The following ADPRH variants were observed in gnomAD, a reference collection of about 807,000 sequenced individuals.
ADPRH encodes ADP-ribose-L-arginine cleaving enzyme.
A neutral mutation model predicts 28.8 loss-of-function variants in ADPRH; 27 were observed. The ratio of observed to expected loss-of-function variants is 0.94; its 90% CI spans 0.69 to 1.29. The LOEUF (loss-of-function observed/expected upper bound fraction) is 1.29, where lower values mean the gene tolerates loss of function less well. ADPRH is among the 50% of genes most tolerant of loss of function. The pLI is 0.00. For missense variants in ADPRH, 419 were observed against 444.8 expected (o/e 0.94, Z 0.52); for synonymous variants, 161 against 166.9 (o/e 0.96, Z 0.27).
intron 3 of ADPRH, among the ~76,000 whole-genome samples, chr3:119,583,280 A>G (rs898614955): frequency 1.3e-5 from 2 of 152,168 alleles, no homozygotes; most frequent in Non-Finnish European, 2.9e-5. Flanking sequence ...TAATTAATTA[A>G]GCTGACACAT....
chr3:119,587,947 T>A lies in ADPRH; in HGVS notation c.*69T>A. The A allele has an allele frequency of 6.7e-7, 1 of 1,490,912 alleles. No individual in the cohort carries two copies. The highest frequency in any genetic ancestry group is 8.9e-7 in the Non-Finnish European group (1 of 1,122,668). 92.4% of individuals were successfully genotyped at this position (1,490,912 alleles called of 1,614,324 possible). A position where few individuals can be genotyped will look rare whatever the true frequency, so the allele number is the denominator to read the frequency against. ...TTCCTTTTCTGCTATTTCTTTTCAG[T>A]TTTTCCAAAGTCAAGAGTCTTAACC... On this transcript the variant is annotated 3_prime_UTR_variant, in exon 5 of 5. Transcript: ENST00000357003.
chr3:119,581,928 A>G (rs1465714565), intron 2 of ADPRH: 2 of 439,342 alleles, frequency 4.6e-6, no homozygotes, highest in Non-Finnish European at 8.1e-6. Context: ...CATTTCTCAA[A>G]CTGCATTATC....
Position 119,580,584 on chromosome 3 carries a change from A to T in ADPRH, c.-89A>T, listed in dbSNP as rs1429200031. The T allele has an allele frequency of 6.6e-6, 1 of 152,214 alleles. No homozygotes were observed. 9.4% of individuals were successfully genotyped at this position (152,214 alleles called of 1,614,324 possible). A position where few individuals can be genotyped will look rare whatever the true frequency, so the allele number is the denominator to read the frequency against. ...CAGCCTGCATTCCATGGCCAACAGC[A>T]GTGCAGCTGCAGAAGCACTTCTGGA... is the stretch of plus-strand genomic sequence containing the variant. On this transcript the variant is annotated 5_prime_UTR_variant, in exon 2 of 5. Coordinates refer to ENST00000357003, the MANE Select transcript of ADPRH (RefSeq NM_001125.4).
rs890837853 is a variant in ADPRH, at chr3:119,579,504, G to C, written c.-470G>C. ...GGAGTCACTGACCACAGCCAGGCGA[G>C]AGCCGGCTTTCCGGTGCCGCCACAT... On this transcript the variant is annotated 5_prime_UTR_variant, in exon 1 of 5. Coordinates refer to ENST00000357003, the MANE Select transcript of ADPRH (RefSeq NM_001125.4). 2.0e-5 allele frequency: 3 copies of C among 152,344 alleles called. No individual in the cohort carries two copies. Among genetic ancestry groups the C allele is most frequent in the Non-Finnish European group, 4.4e-5 (3 of 68,110 alleles). 9.4% of individuals were successfully genotyped at this position (152,344 alleles called of 1,614,324 possible).
chr3:119,586,416 C>T lies in ADPRH; in HGVS notation c.430C>T (p.His144Tyr). The change falls in exon 4 of 5, where the codon CAC becomes TAC. Residue 144 changes from histidine to tyrosine, a missense_variant. Physicochemically the swap from His to Tyr is moderately conservative, Grantham distance 83. Transcript: ENST00000357003. The part of the protein sequence containing the change: ...RAMCIGLRFP[H>Y]HSQLDTLIQV... ...CATGTGCATCGGTCTCAGGTTCCCA[C>T]ACCATAGCCAACTGGACACACTGAT... is the stretch of plus-strand genomic sequence containing the variant. 5 of 1,614,240 alleles carry T rather than the reference C, an allele frequency of 3.1e-6. No homozygotes were observed. Among genetic ancestry groups the T allele is most frequent in the African/African-American group, 1.3e-5 (1 of 75,052 alleles).
rs764713904 is a variant in ADPRH at position 119,586,265 on chromosome 3, C to G, written c.299-20C>G. On this transcript the variant is annotated intron_variant, in intron 3 of 4. Coordinates refer to ENST00000357003, the MANE Select transcript of ADPRH (RefSeq NM_001125.4). ...GCTTTGGTTATGCTAACCCCCATCC[C>G]TTATCCGACTCTTCCCCAGGTGGTG... 4 of 1,612,264 alleles carry G rather than the reference C, an allele frequency of 2.5e-6. No individual in the cohort carries two copies. The highest frequency in any genetic ancestry group is 3.4e-6 in the Non-Finnish European group (4 of 1,179,896).
At chr3:119,583,443 A>G (rs1387525725) in intron 3 of ADPRH, among the ~76,000 whole-genome samples, 1 of 152,246 alleles carries the variant, frequency 6.6e-6, no homozygotes, top group Non-Finnish European at 1.5e-5. Flanking sequence ...CACATTGTTT[A>G]CATATATCAA....
In ADPRH at chr3:119,586,624, T is replaced by C. The variant is rs2082463542; in HGVS notation, c.638T>C (p.Val213Ala). 1.2e-6 allele frequency: 2 copies of C among 1,613,772 alleles called. No homozygotes were observed. The highest frequency in any genetic ancestry group is 2.7e-5 in the African/African-American group (2 of 74,916). Reference protein sequence around the residue: ...KKYIVQSGYFVEENLQHWSYF... With the variant: ...KKYIVQSGYFAEENLQHWSYF... ...TACATTGTCCAATCAGGCTACTTTG[T>C]AGAGGAAAATCTTCAACACTGGTGA... is the stretch of plus-strand genomic sequence containing the variant. The change falls in exon 4 of 5, where the codon GTA becomes GCA. Residue 213 changes from valine (V) to alanine (A), a missense_variant. Physicochemically the swap from Val to Ala is moderately conservative, Grantham distance 64. Coordinates refer to ENST00000357003, the MANE Select transcript of ADPRH (RefSeq NM_001125.4).
At chr3:119,582,071 G>GTGGTTT in intron 2 of ADPRH, 63 bp from the exon 3 acceptor site, 4 of 1,268,986 alleles carry the variant, frequency 3.2e-6, no homozygotes, top group Non-Finnish European at 3.3e-6. Context: ...AGCTAGAGTC[G>GTGGTTT]TTGTTTTTTC....
rs531260980 is a variant in ADPRH at position 119,580,997 on chromosome 3, C to T, written c.-37+361C>T. ...TTCTAAAACAGAACACCCATTTTCCCTGGTTGTATATGAATAATACAAATA... is the reference window on the plus strand; with the variant it reads ...TTCTAAAACAGAACACCCATTTTCCTTGGTTGTATATGAATAATACAAATA... On this transcript the variant is annotated intron_variant, in intron 2 of 4. Coordinates refer to ENST00000357003, the MANE Select transcript of ADPRH (RefSeq NM_001125.4). Among the ~76,000 whole-genome samples the T allele has an allele frequency of 7.9e-5, 12 of 151,638 alleles. No individual in the cohort carries two copies. The South Asian group carries it at 2.1e-3, about 26-fold the overall frequency.
chr3:119,582,616 C>T (rs1365110030), intron 3 of ADPRH, 149 bp downstream of exon 3: 1 of 991,440 alleles, frequency 1.0e-6, no homozygotes, highest in Non-Finnish European at 1.4e-6. Context: ...GGTGGTGGCT[C>T]ATACCTGTAA....
intron 4 of ADPRH, 116 bp from the exon 5 acceptor site, chr3:119,587,348 G>T (rs1427329947): frequency 2.7e-6 from 2 of 748,962 alleles, no homozygotes; most frequent in East Asian, 5.6e-5. Flanking sequence ...TGATATTACT[G>T]CAAGAAGCCG....
Position 119,580,866 on chromosome 3 carries a change from A to C in ADPRH, c.-37+230A>C, listed in dbSNP as rs541759059. ...ACCAGGGATTTCATTCATGGTGGGT[A>C]TATTATTAATAGAGATTCGAATTCT... is the stretch of plus-strand genomic sequence containing the variant. On this transcript the variant is annotated intron_variant, in intron 2 of 4. Coordinates refer to ENST00000357003, the MANE Select transcript of ADPRH (RefSeq NM_001125.4). 3.9e-5 allele frequency among the ~76,000 whole-genome samples: 6 copies of C among 152,242 alleles called. No individual in the cohort carries two copies. The East Asian group carries it at 9.6e-4, about 24-fold the overall frequency.
In ADPRH at chr3:119,579,659, C is replaced by T. The variant is rs1460038075; in HGVS notation, c.-315C>T. 1 of 152,404 alleles carries T rather than the reference C, an allele frequency of 6.6e-6. No homozygotes were observed. The highest frequency in any genetic ancestry group is 1.9e-4 in the East Asian group (1 of 5,208). The allele number at this position is 152,404 out of a possible 1,614,324, so 9.4% of individuals were successfully genotyped here. A position where few individuals can be genotyped will look rare whatever the true frequency, so the allele number is the denominator to read the frequency against. Reference sequence around the variant, plus strand: ...CCTTGGAGGCTCCAAGATTAGCTCACTCAGCGCGGCCAAGCGCAGGTGCGG... The same window carrying T: ...CCTTGGAGGCTCCAAGATTAGCTCATTCAGCGCGGCCAAGCGCAGGTGCGG... On this transcript the variant is annotated 5_prime_UTR_variant, in exon 1 of 5. Transcript: ENST00000357003.
chr3:119,586,711 A>G, intron 4 of ADPRH, 66 bp downstream of exon 4: 1 of 1,576,830 alleles, frequency 6.3e-7, no homozygotes, highest in Non-Finnish European at 8.6e-7. Flanking sequence ...CCACCTGCAC[A>G]TATATGTCTT....
At chr3:119,587,366 G>A (rs2107763749) in intron 4 of ADPRH, 98 bp from the exon 5 acceptor site, 3 of 974,510 alleles carry the variant, frequency 3.1e-6, no homozygotes, top group Non-Finnish European at 4.3e-6. Flanking sequence ...CCGAAGTTAT[G>A]TTGGATTTTT....
intron 3 of ADPRH, 40 bp downstream of exon 3, chr3:119,582,507 TA>T: frequency 6.4e-7 from 1 of 1,573,696 alleles, no homozygotes; most frequent in Non-Finnish European, 8.7e-7. Context: ...GGGCAAAGAA[TA>T]AAACAGCCTT....
Position 119,587,837 on chromosome 3 carries a change from T to C in ADPRH, c.1033T>C (p.Tyr345His). 1 of 1,612,364 alleles carries C rather than the reference T, an allele frequency of 6.2e-7. No homozygotes were observed. The highest frequency in any genetic ancestry group is 8.5e-7 in the Non-Finnish European group (1 of 1,179,106). ...GCTGGAAGAGACAGCTAGGGCTTTA[T>C]ATTCTCTCGGGTCAAAAGAAGACAC... ...NRLEETARAL[Y>H]SLGSKEDTVI... is the part of the protein sequence containing the mutation. The change falls in exon 5 of 5, where the codon TAT (tyrosine) becomes CAT (histidine). Residue 345 changes from tyrosine (Y) to histidine (H), a missense_variant. Coordinates refer to ENST00000357003, the MANE Select transcript of ADPRH (RefSeq NM_001125.4).
intron 3 of ADPRH, 69 bp from the exon 4 acceptor site, chr3:119,586,216 T>C (rs535379639): frequency 6.3e-7 from 1 of 1,578,308 alleles, no homozygotes; most frequent in Non-Finnish European, 8.6e-7. Context: ...CAGAGTTTAG[T>C]TATTTATTCC....
Sources: allele counts gnomAD v4.1 joint callset (sites outside exome capture counted in the v4.1 genomes callset), GRCh38; gene constraint gnomAD v4.1.1; transcripts MANE v1.5; gene names NCBI Gene and HGNC (gene_info 2026-07-23, HGNC 2026-07-21).